The following GAS7 variants were observed in gnomAD, a reference collection of about 807,000 sequenced individuals.
GAS7 encodes growth arrest specific 7.
GAS7 carries 28 observed loss-of-function variants against 71.1 expected under a neutral mutation model. The observed-to-expected ratio is 0.39, with a 90% CI of 0.29 to 0.54. GAS7 has a LOEUF of 0.54. GAS7 is among the 20% of genes least tolerant of loss of function. The pLI, the probability that GAS7 is intolerant of heterozygous loss-of-function variation, is 0.62. For synonymous variants in GAS7, 258 were observed against 245.8 expected (o/e 1.05, Z -0.46); for missense variants, 436 against 627.8 (o/e 0.69, Z 3.27).
At chr17:10,154,492 A>T (rs557857809) in intron 1 of GAS7, among the ~76,000 whole-genome samples, 1 of 151,756 alleles carries the variant, frequency 6.6e-6, no homozygotes, top group Admixed American at 6.6e-5. Flanking sequence ...TGACAGGGTG[A>T]GGCCTTGTCT....
intron 1 of GAS7, among the ~76,000 whole-genome samples, chr17:10,054,841 T>C (rs950768078): frequency 4.6e-5 from 7 of 151,950 alleles, no homozygotes; most frequent in African/African-American, 1.7e-4. Flanking sequence ...ACCCGAGAAC[T>C]GGGCTCCCTG....
chr17:10,052,518 G>C (rs2073076344), intron 1 of GAS7, among the ~76,000 whole-genome samples: 1 of 152,196 alleles, frequency 6.6e-6, no homozygotes, highest in African/African-American at 2.4e-5. Flanking sequence ...ACCCTAGAAG[G>C]ATGCCAACTG....
At chr17:10,142,474 T>A (rs2074090407) in intron 1 of GAS7, among the ~76,000 whole-genome samples, 1 of 152,130 alleles carries the variant, frequency 6.6e-6, no homozygotes, top group South Asian at 2.1e-4. Context: ...GTTCAAGTGA[T>A]TCTCTGGCCT....
chr17:10,085,310 T>C (rs1189154796), intron 1 of GAS7, among the ~76,000 whole-genome samples: 1 of 152,032 alleles, frequency 6.6e-6, no homozygotes, highest in Non-Finnish European at 1.5e-5. Flanking sequence ...TCCTTGGGAG[T>C]GTCAGCCACG....
At chr17:10,072,926 A>C (rs536428927) in intron 1 of GAS7, among the ~76,000 whole-genome samples, 51 of 152,306 alleles carry the variant, frequency 3.3e-4, no homozygotes, top group South Asian at 1.2e-3. Flanking sequence ...AAAAACAAGA[A>C]AGTGGTGTCA....
intron 4 of GAS7, among the ~76,000 whole-genome samples, chr17:9,963,606 C>T (rs2069589110): frequency 6.6e-6 from 1 of 151,916 alleles, no homozygotes; most frequent in Admixed American, 6.6e-5. Flanking sequence ...TGGTGGCGCA[C>T]ACCTGTAACC....
At chr17:9,955,273 C>CG (rs1054271609) in intron 5 of GAS7, among the ~76,000 whole-genome samples, 4 of 152,176 alleles carry the variant, frequency 2.6e-5, no homozygotes, top group African/African-American at 9.7e-5. Flanking sequence ...GTCCTCCCCC[C>CG]GGTTACATTT....
At chr17:9,972,005 G>A (rs1479766839) in intron 3 of GAS7, among the ~76,000 whole-genome samples, 1 of 152,210 alleles carries the variant, frequency 6.6e-6, no homozygotes, top group Non-Finnish European at 1.5e-5. Context: ...CTGAGTGCCT[G>A]TGCGCAGCTG....
intron 1 of GAS7, among the ~76,000 whole-genome samples, chr17:10,125,649 G>C (rs1457928476): frequency 6.6e-6 from 1 of 152,022 alleles, no homozygotes; most frequent in East Asian, 1.9e-4. Flanking sequence ...GGGTGATGGG[G>C]AGATGAGGAG....
At chr17:10,093,821 T>G (rs533833507) in intron 1 of GAS7, among the ~76,000 whole-genome samples, 1 of 152,210 alleles carries the variant, frequency 6.6e-6, no homozygotes, top group Non-Finnish European at 1.5e-5. Flanking sequence ...TCATCTACTA[T>G]GTATTTCATC....
chr17:9,977,315 T>C (rs757557563), intron 3 of GAS7, among the ~76,000 whole-genome samples: 3 of 152,246 alleles, frequency 2.0e-5, no homozygotes, highest in Admixed American at 6.5e-5. Context: ...AGAATGCTTA[T>C]ACTGTCACAG....
intron 1 of GAS7, among the ~76,000 whole-genome samples, chr17:10,194,851 T>C: frequency 8.0e-6 from 1 of 125,174 alleles, no homozygotes; most frequent in African/African-American, 3.1e-5. Flanking sequence ...AGTGCGAGAC[T>C]CTGTCTCAAA....
At chr17:10,092,186 G>A (rs755644576) in intron 1 of GAS7, among the ~76,000 whole-genome samples, 5 of 151,840 alleles carry the variant, frequency 3.3e-5, no homozygotes, top group East Asian at 1.9e-4. Context: ...TCTTTCCTCC[G>A]ACACCTACAA....
At chr17:9,944,947 G>C (rs1190678796) in intron 6 of GAS7, among the ~76,000 whole-genome samples, 1 of 152,128 alleles carries the variant, frequency 6.6e-6, no homozygotes, top group African/African-American at 2.4e-5. Flanking sequence ...TAATGGAAAA[G>C]GCCTTGATGG....
At chr17:10,166,715 T>G (rs912872755) in intron 1 of GAS7, among the ~76,000 whole-genome samples, 1 of 152,248 alleles carries the variant, frequency 6.6e-6, no homozygotes, top group African/African-American at 2.4e-5. Context: ...AAGTAAAAAT[T>G]TTCCCTATTC....
At chr17:9,967,768 G>C (rs1257537323) in intron 4 of GAS7, among the ~76,000 whole-genome samples, 1 of 152,158 alleles carries the variant, frequency 6.6e-6, no homozygotes, top group Admixed American at 6.5e-5. Context: ...GTTAGGCTGG[G>C]TCTAGTGTTA....
chr17:10,051,951 A>G (rs1276711262), intron 1 of GAS7, among the ~76,000 whole-genome samples: 1 of 152,098 alleles, frequency 6.6e-6, no homozygotes, highest in Admixed American at 6.5e-5. Flanking sequence ...TAGCTAAAGG[A>G]CTACTGTGGA....
At chr17:10,134,123 C>T (rs754705188) in intron 1 of GAS7, among the ~76,000 whole-genome samples, 2 of 152,040 alleles carry the variant, frequency 1.3e-5, no homozygotes, top group Admixed American at 6.6e-5. Context: ...CTCTGCCTCC[C>T]GGGTTCATGC....
intron 1 of GAS7, among the ~76,000 whole-genome samples, chr17:10,130,756 G>C (rs908764207): frequency 2.6e-4 from 40 of 152,162 alleles, no homozygotes; most frequent in African/African-American, 9.4e-4. Context: ...AGACACAAAA[G>C]GCTGCATATT....
Sources: allele counts gnomAD v4.1 joint callset (sites outside exome capture counted in the v4.1 genomes callset), GRCh38; gene constraint gnomAD v4.1.1; transcripts MANE v1.5; gene names NCBI Gene and HGNC (gene_info 2026-07-23, HGNC 2026-07-21).